Variants in XPO4 observed in about 807,000 individuals in gnomAD.
The protein encoded by XPO4 is exportin 4.
A neutral mutation model predicts 143.0 loss-of-function variants in XPO4; 39 were observed. That is an observed-to-expected ratio of 0.27 (90% CI 0.21 to 0.36). The LOEUF (loss-of-function observed/expected upper bound fraction) is 0.36. XPO4 is among the 10% of genes least tolerant of loss of function. The probability of loss-of-function intolerance (pLI) is 1.00; values close to 1 mark genes in which losing one functional copy is unlikely to be tolerated. For missense variants in XPO4, 907 were observed against 1,348.0 expected (o/e 0.67, Z 5.12); for synonymous variants, 439 against 474.0 (o/e 0.93, Z 0.96).
At position 20,868,454 on chromosome 13, in the gene XPO4, C is replaced by T. The variant is rs1440987422; in HGVS notation, c.175+142G>A. On this transcript the variant is annotated intron_variant, in intron 2 of 22. Transcript: ENST00000255305. ...TTACAGAATATCTTTAAAGCTACTC[C>T]AGTAGAATGATTATTAATTTAAATA... 7 of 1,272,934 alleles carry T rather than the reference C, an allele frequency of 5.5e-6. No individual in the cohort carries two copies. The South Asian group carries it at 1.3e-4, about 23-fold the overall frequency. 78.9% of individuals were successfully genotyped at this position (1,272,934 alleles called of 1,614,324 possible).
intron 1 of XPO4, among the ~76,000 whole-genome samples, chr13:20,876,113 A>T (rs2060349066): frequency 1.3e-5 from 2 of 150,560 alleles, no homozygotes; most frequent in African/African-American, 4.9e-5. Flanking sequence ...AAAAAAAAAA[A>T]AATAGCTGGG....
chr13:20,837,601 C>A (rs1234205065), intron 6 of XPO4, among the ~76,000 whole-genome samples: 2 of 151,864 alleles, frequency 1.3e-5, no homozygotes, highest in Non-Finnish European at 2.9e-5. Context: ...GTGTATTGGT[C>A]CATTCTCAGG....
intron 12 of XPO4, 109 bp from the exon 13 acceptor site, chr13:20,807,743 A>G: frequency 1.2e-6 from 1 of 862,890 alleles, no homozygotes; most frequent in African/African-American, 1.8e-5. Flanking sequence ...ATTGATGTAA[A>G]TTATAAATGT....
rs565819332 is a variant in XPO4, at chr13:20,849,525, T to A, written c.457-5639A>T. On this transcript the variant is annotated intron_variant, in intron 4 of 22. Coordinates refer to ENST00000255305, the MANE Select transcript of XPO4 (RefSeq NM_022459.5). ...TTTCCTAGGAAGGCAAGTTTCCATA[T>A]CCCTCCCAAATTAGTACTGACAGCA... 5.5e-4 allele frequency: 544 copies of A among 985,364 alleles called. 11 individuals carry two copies. The South Asian group carries it at 0.023, about 42-fold the overall frequency. The allele number at this position is 985,364 out of a possible 1,614,324, so 61.0% of individuals were successfully genotyped here.
chr13:20,829,718 A>G (rs1320049165), intron 6 of XPO4, among the ~76,000 whole-genome samples: 1 of 152,208 alleles, frequency 6.6e-6, no homozygotes, highest in Non-Finnish European at 1.5e-5. Context: ...GGAAATGAGG[A>G]GAGTCTCTCA....
At position 20,848,760 on chromosome 13, in the gene XPO4, A is replaced by G; in HGVS notation, c.457-4874T>C. 6 of 985,356 alleles carry G rather than the reference A, an allele frequency of 6.1e-6. No homozygotes were observed. The South Asian group carries it at 2.8e-4, about 46-fold the overall frequency. The allele number at this position is 985,356 out of a possible 1,614,324, so 61.0% of individuals were successfully genotyped here. A position where few individuals can be genotyped will look rare whatever the true frequency, so the allele number is the denominator to read the frequency against. Reference sequence around the variant, plus strand: ...CCCAGCACTATGTTAACATAACAGAAGTTGGAAAATAAATGATGTGTTCCC... The same window carrying G: ...CCCAGCACTATGTTAACATAACAGAGGTTGGAAAATAAATGATGTGTTCCC... On this transcript the variant is annotated intron_variant, in intron 4 of 22. Coordinates refer to ENST00000255305, the MANE Select transcript of XPO4 (RefSeq NM_022459.5).
Position 20,803,483 on chromosome 13 carries a change from CA to C in XPO4, c.1818-2494del, listed in dbSNP as rs1485397363. ...GCACCCAGGGGCCTTTCTTCTACCT[CA>C]GAAATACCTCTCATAACCCAAGAAC... On this transcript the variant is annotated intron_variant, in intron 13 of 22. Coordinates refer to ENST00000255305, the MANE Select transcript of XPO4 (RefSeq NM_022459.5). This position sits in a 1 kb window ranked among gnomAD's most constrained non-coding sequence, Gnocchi z 4.1. 6.6e-6 allele frequency among the ~76,000 whole-genome samples: 1 copy of C among 152,194 alleles called. No homozygotes were observed. Among genetic ancestry groups the C allele is most frequent in the African/African-American group, 2.4e-5 (1 of 41,454 alleles).
At position 20,843,816 on chromosome 13, in the gene XPO4, A is replaced by G; in HGVS notation, c.527T>C (p.Ile176Thr). Reference sequence around the variant, plus strand: ...ACCATGGAATTCCATGCTCAATCCAATGTTGCTAGTTTTACTTGAACTTGA... The same window carrying G: ...ACCATGGAATTCCATGCTCAATCCAGTGTTGCTAGTTTTACTTGAACTTGA... ...EFSSSSKTSN[I>T]GLSMEFHGNC... The change falls in exon 5 of 23, where the codon ATT becomes ACT. Residue 176 changes from isoleucine to threonine, a missense_variant. By Grantham distance (89) the Ile-to-Thr change is moderately conservative (BLOSUM62 -1). Transcript: ENST00000255305. The G allele has an allele frequency of 1.2e-6, 2 of 1,613,440 alleles. No homozygotes were observed. The highest frequency in any genetic ancestry group is 4.5e-5 in the East Asian group (2 of 44,762).
At chr13:20,865,296 A>T (rs1217005461) in intron 2 of XPO4, 1 of 185,898 alleles carries the variant, frequency 5.4e-6, no homozygotes, top group Non-Finnish European at 1.0e-5. Context: ...GTGCCACCAC[A>T]CCGGCTAATT....
At chr13:20,857,354 G>T (rs1259867709) in intron 3 of XPO4, among the ~76,000 whole-genome samples, 4 of 152,144 alleles carry the variant, frequency 2.6e-5, no homozygotes, top group African/African-American at 9.7e-5. Flanking sequence ...CTATATGCAA[G>T]AATTTATATG....
rs9509378 is a variant in XPO4 at position 20,801,010 on chromosome 13, G to C, written c.1818-20C>G. ...AACAGCCTGTAGGTATAAAACAGAAGTCATTTATTCTTTTATTTATTTAGT... is the reference window on the plus strand; with the variant it reads ...AACAGCCTGTAGGTATAAAACAGAACTCATTTATTCTTTTATTTATTTAGT... On this transcript the variant is annotated intron_variant, in intron 13 of 22. Transcript: ENST00000255305. The C allele has an allele frequency of 3.2e-4, 516 of 1,602,990 alleles. No homozygotes were observed. Among genetic ancestry groups the C allele is most frequent in the Non-Finnish European group, 4.1e-4 (487 of 1,177,712 alleles).
chr13:20,785,169 G>A (rs1163268623), intron 22 of XPO4, among the ~76,000 whole-genome samples: 1 of 152,152 alleles, frequency 6.6e-6, no homozygotes, highest in Non-Finnish European at 1.5e-5. Context: ...CACCTGGCAT[G>A]CTGTAATTTT....
At chr13:20,853,873 G>A (rs2060114828) in intron 4 of XPO4, among the ~76,000 whole-genome samples, 1 of 152,200 alleles carries the variant, frequency 6.6e-6, no homozygotes, top group African/African-American at 2.4e-5. Context: ...GGGGAGCACA[G>A]ACATAGAACA....
chr13:20,899,216 T>A (rs1414641188), intron 1 of XPO4, among the ~76,000 whole-genome samples: 1 of 152,116 alleles, frequency 6.6e-6, no homozygotes, highest in Non-Finnish European at 1.5e-5. Flanking sequence ...CTACTTTATC[T>A]GGCAGCTTAT....
intron 4 of XPO4, chr13:20,849,225 A>C: frequency 1.0e-6 from 1 of 985,470 alleles, no homozygotes; most frequent in Non-Finnish European, 1.2e-6. Flanking sequence ...TACATAAAGC[A>C]GACTTCCAGC....
chr13:20,822,352 C>A, intron 7 of XPO4, 63 bp from the exon 8 acceptor site: 3 of 1,432,500 alleles, frequency 2.1e-6, no homozygotes, highest in South Asian at 1.5e-5. Context: ...CACGTGTCTA[C>A]CATGCCGAAT....
chr13:20,846,107 T>G (rs2060026368), intron 4 of XPO4, among the ~76,000 whole-genome samples: 1 of 152,238 alleles, frequency 6.6e-6, no homozygotes, highest in South Asian at 2.1e-4. Flanking sequence ...AAATTCTTAC[T>G]CTTACAAATG....
Position 20,782,050 on chromosome 13 carries a change from G to A in XPO4, c.*1672C>T, listed in dbSNP as rs1341784679. 1 of 152,202 alleles carries A rather than the reference G, an allele frequency of 6.6e-6. No homozygotes were observed. Among genetic ancestry groups the A allele is most frequent in the Non-Finnish European group, 1.5e-5 (1 of 68,032 alleles). The allele number at this position is 152,202 out of a possible 1,614,324, so 9.4% of individuals were successfully genotyped here. A position where few individuals can be genotyped will look rare whatever the true frequency, so the allele number is the denominator to read the frequency against. On this transcript the variant is annotated 3_prime_UTR_variant, in exon 23 of 23. Coordinates refer to ENST00000255305, the MANE Select transcript of XPO4 (RefSeq NM_022459.5). ...CAAAGCTAATCAAATTGAGAGAAAT[G>A]TAAGTTATGGCCCAAGGCCCTGCAT...
rs769807612 is a variant in XPO4, at chr13:20,799,177, C to T, written c.2310G>A (p.Gln770=). 3 of 1,607,508 alleles carry T rather than the reference C, an allele frequency of 1.9e-6. No individual in the cohort carries two copies. Among genetic ancestry groups the T allele is most frequent in the South Asian group, 2.2e-5 (2 of 90,470 alleles). The change falls in exon 16 of 23, where the codon CAG becomes CAA. Residue 770 remains glutamine (Q), a synonymous_variant. Transcript: ENST00000255305. ...ACAGCACTGTTACCTCTGTCCAATA[C>T]TGCTGTTTGGTTTCTGTGTCCATAT... is the stretch of plus-strand genomic sequence containing the variant. ...FAHMDTETKQ[Q]YWTEVLQPLQ... is the part of the protein sequence containing the mutation.
Sources: gnomAD v4.1 joint callset for allele counts (sites outside exome capture counted in the v4.1 genomes callset) on GRCh38, gnomAD v4.1.1 for gene constraint, Gnocchi (gnomAD v3.1) non-coding constraint, MANE v1.5 for transcripts, NCBI Gene and HGNC (gene_info 2026-07-23, HGNC 2026-07-21) for gene names.